DLG2: variants seen among roughly 807,000 people sequenced by gnomAD.
DLG2 encodes discs large MAGUK scaffold protein 2, also known as disks large homolog 2.
A neutral mutation model predicts 132.5 loss-of-function variants in DLG2; 45 were observed. The observed-to-expected ratio is 0.34, with a 90% confidence interval of 0.27 to 0.44. The LOEUF is 0.44. Ranked by LOEUF, DLG2 falls within the 20% of genes least tolerant of loss-of-function variation. The pLI is 1.00. For missense variants in DLG2, 1,045 were observed against 1,196.9 expected, an observed-to-expected ratio of 0.87 and a Z score of 1.87; for synonymous variants, 424 against 419.6, an observed-to-expected ratio of 1.01 and a Z score of -0.13.
At chr11:84,264,136 C>T (rs1037044648) in intron 7 of DLG2, among the ~76,000 whole-genome samples, 3 of 152,112 alleles carry the variant, frequency 2.0e-5, no homozygotes, top group Non-Finnish European at 4.4e-5. Context: ...GGACTAGAAA[C>T]ATAGAGGTTC....
intron 7 of DLG2, among the ~76,000 whole-genome samples, chr11:84,322,532 T>G (rs957769178): frequency 6.6e-6 from 1 of 152,046 alleles, no homozygotes; most frequent in African/African-American, 2.4e-5. Flanking sequence ...AAGAGAATCC[T>G]AAACTCCAAA....
chr11:85,132,672 A>G (rs1047154380), intron 5 of DLG2: 11 of 455,264 alleles, frequency 2.4e-5, no homozygotes, highest in Non-Finnish European at 4.9e-5. Context: ...ATTTTCTCTC[A>G]TGAACTGGCA....
chr11:85,494,763 G>T (rs207060), intron 3 of DLG2, among the ~76,000 whole-genome samples: 1 of 151,968 alleles, frequency 6.6e-6, no homozygotes, highest in South Asian at 2.1e-4. Context: ...AAGTTAAGAC[G>T]AAATATGAAA....
intron 9 of DLG2, among the ~76,000 whole-genome samples, chr11:84,124,536 T>C (rs945817817): frequency 2.0e-5 from 3 of 152,240 alleles, no homozygotes; most frequent in Non-Finnish European, 4.4e-5. Context: ...TATTGTGGAA[T>C]AAAGGTTTCT....
At chr11:85,346,253 T>C (rs902886096) in intron 3 of DLG2, among the ~76,000 whole-genome samples, 2 of 151,834 alleles carry the variant, frequency 1.3e-5, no homozygotes, top group African/African-American at 4.8e-5. Context: ...AGTGGCGCTA[T>C]CTCGGCTCAC....
chr11:85,001,009 C>T (rs1047980756), intron 6 of DLG2, among the ~76,000 whole-genome samples: 3 of 151,920 alleles, frequency 2.0e-5, no homozygotes, highest in African/African-American at 7.3e-5. Context: ...AGAAAAGAAC[C>T]CCATGCATTT....
chr11:84,812,596 G>A (rs1018663303), intron 6 of DLG2, among the ~76,000 whole-genome samples: 2 of 152,090 alleles, frequency 1.3e-5, no homozygotes, highest in Non-Finnish European at 2.9e-5. Context: ...CCATAGCAAC[G>A]TAGGAATCTT....
chr11:83,883,680 A>G (rs2066934921), intron 15 of DLG2, among the ~76,000 whole-genome samples: 2 of 152,168 alleles, frequency 1.3e-5, no homozygotes, highest in Admixed American at 1.3e-4. Flanking sequence ...CACAGCGGGC[A>G]TATTCCTGCC....
chr11:85,581,253 C>T (rs972270867), intron 3 of DLG2, among the ~76,000 whole-genome samples: 1 of 152,124 alleles, frequency 6.6e-6, no homozygotes, highest in African/African-American at 2.4e-5. Flanking sequence ...GTGCTTCCAT[C>T]CCTGGTTGGC....
chr11:83,719,107 G>A (rs1042024548), intron 18 of DLG2, among the ~76,000 whole-genome samples: 5 of 152,204 alleles, frequency 3.3e-5, no homozygotes, highest in African/African-American at 7.2e-5. Context: ...AGAACTGAGA[G>A]CCATGGCCCA....
At chr11:84,731,564 T>C (rs566297304) in intron 6 of DLG2, among the ~76,000 whole-genome samples, 5 of 151,730 alleles carry the variant, frequency 3.3e-5, no homozygotes, top group African/African-American at 4.8e-5. Context: ...ATAGAGGGAA[T>C]AGGATATACA....
intron 6 of DLG2, among the ~76,000 whole-genome samples, chr11:85,089,303 G>A (rs1320950286): frequency 9.2e-5 from 14 of 151,990 alleles, no homozygotes; most frequent in Admixed American, 9.2e-4. Context: ...AATTCTAGTA[G>A]ACCCTAGTAT....
At chr11:84,670,607 C>A (rs1254521578) in intron 6 of DLG2, among the ~76,000 whole-genome samples, 1 of 152,146 alleles carries the variant, frequency 6.6e-6, no homozygotes, top group South Asian at 2.1e-4. Flanking sequence ...AACAACAATA[C>A]AAACCACTAT....
At chr11:84,446,552 G>C (rs549028941) in intron 7 of DLG2, among the ~76,000 whole-genome samples, 2 of 148,156 alleles carry the variant, frequency 1.3e-5, no homozygotes, top group Non-Finnish European at 3.0e-5. Flanking sequence ...CCCAAGAGCA[G>C]TTTCATATCA....
intron 3 of DLG2, among the ~76,000 whole-genome samples, chr11:85,518,112 G>A (rs2094205622): frequency 1.3e-5 from 2 of 152,150 alleles, no homozygotes; most frequent in South Asian, 4.1e-4. Flanking sequence ...CATGAAAACA[G>A]ACTAATAGAG....
At chr11:84,035,844 T>G (rs1321153316) in intron 11 of DLG2, among the ~76,000 whole-genome samples, 1 of 152,146 alleles carries the variant, frequency 6.6e-6, no homozygotes, top group African/African-American at 2.4e-5. Context: ...TTGGTGAGGA[T>G]AGACTAACAG....
chr11:84,118,533 T>C (rs966667235), intron 9 of DLG2, among the ~76,000 whole-genome samples: 3 of 152,208 alleles, frequency 2.0e-5, no homozygotes, highest in Non-Finnish European at 4.4e-5. Context: ...AAGAACACAA[T>C]ATAAAACTTT....
chr11:84,544,679 T>A (rs2099386073), intron 6 of DLG2, among the ~76,000 whole-genome samples: 1 of 152,132 alleles, frequency 6.6e-6, no homozygotes, highest in South Asian at 2.1e-4. Flanking sequence ...TTGACTGAAG[T>A]TATGAACCAG....
intron 6 of DLG2, among the ~76,000 whole-genome samples, chr11:84,750,554 AAT>A (rs1460750202): frequency 1.3e-5 from 2 of 152,024 alleles, no homozygotes; most frequent in Non-Finnish European, 1.5e-5. Flanking sequence ...ATTATATCTC[AAT>A]GTTTTTAATA....
Sources: allele counts gnomAD v4.1 joint callset (sites outside exome capture counted in the v4.1 genomes callset), GRCh38; gene constraint gnomAD v4.1.1; transcripts MANE v1.5; gene names NCBI Gene and HGNC (gene_info 2026-07-23, HGNC 2026-07-21).